FBXL7: variants seen among roughly 807,000 people sequenced by gnomAD.
FBXL7 encodes the protein F-box and leucine rich repeat protein 7.
Under a neutral mutation model 38.3 loss-of-function variants are expected in FBXL7, and 12 were observed. The ratio of observed to expected loss-of-function variants is 0.31; its 90% CI spans 0.20 to 0.51. The LOEUF is 0.51. Ranked by LOEUF, FBXL7 falls within the 20% of genes least tolerant of loss-of-function variation. The pLI is 0.98. For synonymous variants in FBXL7, 297 were observed against 300.9 expected, an observed-to-expected ratio of 0.99 and a Z score of 0.13; for missense variants, 567 against 676.4, an observed-to-expected ratio of 0.84 and a Z score of 1.79.
At chr5:15,885,695 C>T (rs1346713451) in intron 2 of FBXL7, among the ~76,000 whole-genome samples, 1 of 152,066 alleles carries the variant, frequency 6.6e-6, no homozygotes, top group East Asian at 1.9e-4. Context: ...AGTTAAATAT[C>T]CATATTATTG....
intron 2 of FBXL7, among the ~76,000 whole-genome samples, chr5:15,880,230 T>G (rs910712152): frequency 2.0e-5 from 3 of 152,206 alleles, no homozygotes; most frequent in African/African-American, 7.2e-5. Context: ...ATGTTTAGCT[T>G]GCATTCTAAG....
chr5:15,710,478 A>G (rs1433089403), intron 2 of FBXL7, among the ~76,000 whole-genome samples: 3 of 152,160 alleles, frequency 2.0e-5, no homozygotes, highest in Non-Finnish European at 4.4e-5. Flanking sequence ...GTCTTAAGTT[A>G]GACTCATACA....
At chr5:15,870,740 A>G (rs905153854) in intron 2 of FBXL7, among the ~76,000 whole-genome samples, 4 of 152,324 alleles carry the variant, frequency 2.6e-5, no homozygotes, top group Admixed American at 2.6e-4. Flanking sequence ...CAGAGCCACT[A>G]TAGCCAGAAT....
At chr5:15,731,513 A>G (rs796096130) in intron 2 of FBXL7, among the ~76,000 whole-genome samples, 32 of 152,292 alleles carry the variant, frequency 2.1e-4, no homozygotes, top group African/African-American at 7.0e-4. Context: ...GGGAGCTACA[A>G]GATGAGATTT....
At chr5:15,853,362 T>G (rs1739157916) in intron 2 of FBXL7, among the ~76,000 whole-genome samples, 1 of 152,084 alleles carries the variant, frequency 6.6e-6, no homozygotes, top group African/African-American at 2.4e-5. Flanking sequence ...AAGGGGAATT[T>G]ATGGGATGAG....
intron 2 of FBXL7, among the ~76,000 whole-genome samples, chr5:15,901,514 C>CTGGGAGGACCAAAAGTTT (rs1398441910): frequency 6.6e-6 from 1 of 152,164 alleles, no homozygotes; most frequent in Non-Finnish European, 1.5e-5. Context: ...ATAATGAATG[C>CTGGGAGGACCAAAAGTTT]TGGGAGGACC....
At chr5:15,606,145 C>T (rs983523182) in intron 1 of FBXL7, among the ~76,000 whole-genome samples, 1 of 152,146 alleles carries the variant, frequency 6.6e-6, no homozygotes, top group African/African-American at 2.4e-5. Context: ...TATGCTACCT[C>T]ACTAGAGGGC....
At chr5:15,874,814 A>G (rs928295916) in intron 2 of FBXL7, among the ~76,000 whole-genome samples, 1 of 152,218 alleles carries the variant, frequency 6.6e-6, no homozygotes, top group African/African-American at 2.4e-5. Flanking sequence ...GGAAAAATAA[A>G]TATTGTGAAA....
In FBXL7 at chr5:15,928,320, C is replaced by T. The variant is rs1478671495; in HGVS notation, c.558C>T (p.Leu186=). ...GCCAGGACACCCCCAACGTGTGTCTCATGCTGGAAACCGTAACTGTCAGTG... is the reference window on the plus strand; with the variant it reads ...GCCAGGACACCCCCAACGTGTGTCTTATGCTGGAAACCGTAACTGTCAGTG... ...RLCQDTPNVC[L]MLETVTVSGC... Residue 186 remains leucine, a synonymous_variant, in exon 3 of 4, where the codon CTC becomes CTT. Transcript: ENST00000504595. This position sits in a 1 kb window ranked among gnomAD's most constrained non-coding sequence, Gnocchi z 4.0. The T allele has an allele frequency of 6.2e-7, 1 of 1,613,756 alleles. No individual in the cohort carries two copies. Among genetic ancestry groups the T allele is most frequent in the Non-Finnish European group, 8.5e-7 (1 of 1,179,822 alleles).
intron 2 of FBXL7, among the ~76,000 whole-genome samples, chr5:15,654,565 A>C (rs1226563996): frequency 6.6e-6 from 1 of 152,134 alleles, no homozygotes; most frequent in Non-Finnish European, 1.5e-5. Flanking sequence ...CTAATGGGTC[A>C]TTTTTGTCTC....
chr5:15,626,316 A>G (rs1275637835), intron 2 of FBXL7, among the ~76,000 whole-genome samples: 1 of 152,180 alleles, frequency 6.6e-6, no homozygotes, highest in Non-Finnish European at 1.5e-5. Context: ...AGTGTGCCCA[A>G]TTTAATAAAG....
chr5:15,915,485 A>G (rs1175090588), intron 2 of FBXL7, among the ~76,000 whole-genome samples: 2 of 152,106 alleles, frequency 1.3e-5, no homozygotes, highest in Non-Finnish European at 2.9e-5. Context: ...TTCTGTGTCT[A>G]TACCCTGTGT....
rs570610433 is a variant in FBXL7 at position 15,657,063 on chromosome 5, T to C, written c.127+40991T>C. ...TCTGAAGAGAACTATAAAATTATAT[T>C]GAAGGACATAAAACAAAACCCAAAT... is the stretch of plus-strand genomic sequence containing the variant. On this transcript the variant is annotated intron_variant, in intron 2 of 3. Transcript: ENST00000504595. Among the ~76,000 whole-genome samples, 8 of 152,238 alleles carry C rather than the reference T, an allele frequency of 5.3e-5. No individual in the cohort carries two copies. In the South Asian group the frequency reaches 1.4e-3, roughly 28 times the overall value.
chr5:15,875,101 A>G (rs1293195783), intron 2 of FBXL7, among the ~76,000 whole-genome samples: 1 of 151,890 alleles, frequency 6.6e-6, no homozygotes, highest in Non-Finnish European at 1.5e-5. Flanking sequence ...GGCCTCAGAA[A>G]TAACGTCACA....
At chr5:15,691,220 C>T (rs1371002663) in intron 2 of FBXL7, among the ~76,000 whole-genome samples, 1 of 152,208 alleles carries the variant, frequency 6.6e-6, no homozygotes, top group South Asian at 2.1e-4. Context: ...TCCCCACCAC[C>T]TTTCATCAGG....
intron 1 of FBXL7, among the ~76,000 whole-genome samples, chr5:15,542,202 A>G (rs1312072364): frequency 6.6e-6 from 1 of 152,070 alleles, no homozygotes; most frequent in Non-Finnish European, 1.5e-5. Context: ...TTTTTTAAAT[A>G]CCAATTCATT....
At chr5:15,922,929 A>T (rs1333660307) in intron 2 of FBXL7, among the ~76,000 whole-genome samples, 2 of 152,218 alleles carry the variant, frequency 1.3e-5, no homozygotes, top group Non-Finnish European at 2.9e-5. Context: ...CATCAGATCA[A>T]TGGAAATTCA....
In FBXL7 at chr5:15,937,779, A is replaced by AT. The variant is rs1561196635; in HGVS notation, c.*594dup. 1 of 152,796 alleles carries AT rather than the reference A, an allele frequency of 6.5e-6. No individual in the cohort carries two copies. The allele number at this position is 152,796 out of a possible 1,614,324, so 9.5% of individuals were successfully genotyped here. On this transcript the variant is annotated 3_prime_UTR_variant, in exon 4 of 4. Coordinates refer to ENST00000504595, the MANE Select transcript of FBXL7 (RefSeq NM_012304.5). Reference sequence around the variant, plus strand: ...TTACAGCAAACAGCTGGGGAAGGACATGCAGTCCTCCCCCAGCTCTGTCAA... The same window carrying AT: ...TTACAGCAAACAGCTGGGGAAGGACATTGCAGTCCTCCCCCAGCTCTGTCAA...
intron 2 of FBXL7, among the ~76,000 whole-genome samples, chr5:15,716,426 T>C (rs978307145): frequency 2.0e-5 from 3 of 152,204 alleles, no homozygotes; most frequent in Non-Finnish European, 4.4e-5. Flanking sequence ...CATCATTTTT[T>C]ATAACAAGAT....
Sources: gnomAD v4.1 joint callset for allele counts (sites outside exome capture counted in the v4.1 genomes callset) on GRCh38, gnomAD v4.1.1 for gene constraint, Gnocchi (gnomAD v3.1) non-coding constraint, MANE v1.5 for transcripts, NCBI Gene and HGNC (gene_info 2026-07-23, HGNC 2026-07-21) for gene names.